Variants in OLA1 observed in about 807,000 individuals in gnomAD.
OLA1 encodes obg-like ATPase 1.
OLA1 carries 14 observed loss-of-function variants against 48.4 expected under a neutral mutation model. The ratio of observed to expected loss-of-function variants is 0.29; its 90% CI spans 0.19 to 0.45. The LOEUF is 0.45. Ranked by LOEUF, OLA1 falls within the 20% of genes least tolerant of loss-of-function variation. The pLI is 1.00. For missense variants in OLA1, 325 were observed against 467.1 expected, an observed-to-expected ratio of 0.70 and a Z score of 2.80; for synonymous variants, 127 against 150.4, an observed-to-expected ratio of 0.84 and a Z score of 1.14.
chr2:174,154,264 C>T (rs760234028), intron 4 of OLA1, among the ~76,000 whole-genome samples: 5 of 152,164 alleles, frequency 3.3e-5, no homozygotes, highest in African/African-American at 4.8e-5. Flanking sequence ...ATAGCCATCT[C>T]GCTATTTTCT....
At chr2:174,097,006 A>G (rs1685270991) in intron 7 of OLA1, among the ~76,000 whole-genome samples, 2 of 152,050 alleles carry the variant, frequency 1.3e-5, no homozygotes, top group South Asian at 4.2e-4. Context: ...AAATACAAAA[A>G]TTGGCCGGGC....
intron 7 of OLA1, among the ~76,000 whole-genome samples, chr2:174,097,080 C>T (rs919757464): frequency 2.0e-5 from 3 of 152,060 alleles, no homozygotes; most frequent in East Asian, 1.9e-4. Context: ...CGGTTGAAAC[C>T]GGAAAGCGAA....
chr2:174,156,545 T>C (rs895110097), intron 4 of OLA1, among the ~76,000 whole-genome samples: 1 of 151,624 alleles, frequency 6.6e-6, no homozygotes, highest in Non-Finnish European at 1.5e-5. Flanking sequence ...ATTCTTGTGA[T>C]CTTGCTCATG....
chr2:174,124,329 C>G (rs1327824331), intron 5 of OLA1: 1 of 151,888 alleles, frequency 6.6e-6, no homozygotes, highest in East Asian at 1.9e-4. Context: ...ACATCTCTCT[C>G]TGCTGGAAAT....
At chr2:174,243,858 C>A (rs1030660664) in intron 2 of OLA1, among the ~76,000 whole-genome samples, 1 of 152,218 alleles carries the variant, frequency 6.6e-6, no homozygotes, top group Non-Finnish European at 1.5e-5. Context: ...CCAAGAGATT[C>A]TCTAGATGGT....
intron 4 of OLA1, among the ~76,000 whole-genome samples, chr2:174,155,170 G>A (rs1264615561): frequency 6.6e-6 from 1 of 152,082 alleles, no homozygotes; most frequent in Non-Finnish European, 1.5e-5. Context: ...ACCTAAGCTT[G>A]GGGATTATGT....
At chr2:174,168,445 C>T (rs1419147660) in intron 4 of OLA1, among the ~76,000 whole-genome samples, 2 of 151,972 alleles carry the variant, frequency 1.3e-5, no homozygotes, top group South Asian at 2.1e-4. Context: ...AACCTAGAAT[C>T]GCCATAATGT....
intron 4 of OLA1, among the ~76,000 whole-genome samples, chr2:174,177,782 T>C (rs1017904047): frequency 6.6e-6 from 1 of 151,714 alleles, no homozygotes. Flanking sequence ...ATCAAGTACA[T>C]CTGGATTTCT....
chr2:174,149,813 T>C (rs1253167754), intron 4 of OLA1, among the ~76,000 whole-genome samples: 1 of 151,580 alleles, frequency 6.6e-6, no homozygotes, highest in Non-Finnish European at 1.5e-5. Context: ...TCCATAAAGA[T>C]GTGAGTAAAA....
At chr2:174,175,659 G>C (rs965063310) in intron 4 of OLA1, among the ~76,000 whole-genome samples, 4 of 151,982 alleles carry the variant, frequency 2.6e-5, no homozygotes, top group Non-Finnish European at 5.9e-5. Flanking sequence ...CAGTATGGCA[G>C]TATTTTATAA....
intron 5 of OLA1, among the ~76,000 whole-genome samples, chr2:174,126,614 A>C (rs1686050042): frequency 6.6e-6 from 1 of 152,218 alleles, no homozygotes; most frequent in Non-Finnish European, 1.5e-5. Context: ...GCCACTTACC[A>C]GGTCTGTGAC....
At chr2:174,095,340 T>G (rs1047666615) in intron 7 of OLA1, among the ~76,000 whole-genome samples, 8 of 125,824 alleles carry the variant, frequency 6.4e-5, no homozygotes, top group Non-Finnish European at 1.1e-4. Flanking sequence ...TTTTTTTTTT[T>G]TTTTTTTTTG....
At chr2:174,128,435 T>TAAATAAA (rs1686096538) in intron 5 of OLA1, among the ~76,000 whole-genome samples, 1 of 151,184 alleles carries the variant, frequency 6.6e-6, no homozygotes, top group Admixed American at 6.6e-5. Flanking sequence ...ATTTTTTTTT[T>TAAATAAA]AAATAAAATA....
In OLA1 at chr2:174,092,058, C is replaced by T. The variant is rs534207130; in HGVS notation, c.729-9994G>A. On this transcript the variant is annotated intron_variant, in intron 7 of 10. Transcript: ENST00000284719. ...CAGAGAATCACTTGAACCTGGGAGG[C>T]GGAGGTTGCAGTGAGCCAAGATCAT... Among the ~76,000 whole-genome samples, 11 of 145,336 alleles carry T rather than the reference C, an allele frequency of 7.6e-5. No homozygotes were observed. The East Asian group carries it at 8.0e-4, about 11-fold the overall frequency.
rs1462128651 is a variant in OLA1 at position 174,116,779 on chromosome 2, CT to C, written c.728+6400del. ...CCTGGAAGGGAACCTTAGAGATGAT[CT>C]TTAATTCTTTACTAACTTGCACTGC... On this transcript the variant is annotated intron_variant, in intron 7 of 10. Transcript: ENST00000284719. 2.0e-5 allele frequency among the ~76,000 whole-genome samples: 3 copies of C among 152,180 alleles called. No individual in the cohort carries two copies. The East Asian group carries it at 5.8e-4, about 29-fold the overall frequency.
intron 2 of OLA1, among the ~76,000 whole-genome samples, chr2:174,236,091 A>T (rs1688841897): frequency 6.6e-6 from 1 of 152,160 alleles, no homozygotes; most frequent in African/African-American, 2.4e-5. Flanking sequence ...CACTCTTTAA[A>T]GGAAAACAAC....
At chr2:174,088,877 A>AAAATAAAT (rs5836449) in intron 7 of OLA1, among the ~76,000 whole-genome samples, 3,053 of 148,096 alleles carry the variant, frequency 0.021, 39 homozygotes, top group South Asian at 0.033. Flanking sequence ...TCCTGTCTCA[A>AAAATAAAT]AAATAAATAA....
chr2:174,223,362 T>C (rs10497411), intron 3 of OLA1, among the ~76,000 whole-genome samples: 19,429 of 152,204 alleles, frequency 0.13, 1,455 homozygotes, highest in East Asian at 0.21. Context: ...TTACCTAGGA[T>C]AATAAGTGAG....
intron 4 of OLA1, among the ~76,000 whole-genome samples, chr2:174,208,465 G>C (rs1688165297): frequency 6.6e-6 from 1 of 152,028 alleles, no homozygotes; most frequent in African/African-American, 2.4e-5. Context: ...AATCATCTTT[G>C]CTATTCATGA....
Sources: gnomAD v4.1 joint callset for allele counts (sites outside exome capture counted in the v4.1 genomes callset) on GRCh38, gnomAD v4.1.1 for gene constraint, MANE v1.5 for transcripts, NCBI Gene and HGNC (gene_info 2026-07-23, HGNC 2026-07-21) for gene names.